Variants in RBFOX2 observed in about 807,000 individuals in gnomAD.
RBFOX2 encodes the protein RNA binding protein fox-1 homolog 2.
RBFOX2 carries 10 observed loss-of-function variants against 49.1 expected under a neutral mutation model. The ratio of observed to expected loss-of-function variants is 0.20; its 90% CI spans 0.13 to 0.35. RBFOX2 has a LOEUF of 0.35. Ranked by LOEUF, RBFOX2 falls within the 10% of genes least tolerant of loss-of-function variation. The probability of loss-of-function intolerance (pLI) is 1.00; values close to 1 mark genes in which losing one functional copy is unlikely to be tolerated. For missense variants in RBFOX2, 323 were observed against 486.9 expected, an observed-to-expected ratio of 0.66 and a Z score of 3.17; for synonymous variants, 183 against 187.4, an observed-to-expected ratio of 0.98 and a Z score of 0.19.
intron 1 of RBFOX2, among the ~76,000 whole-genome samples, chr22:35,849,819 T>C (rs1031448314): frequency 7.9e-5 from 12 of 152,096 alleles, no homozygotes; most frequent in Admixed American, 7.9e-4. Flanking sequence ...CCAACAGGAT[T>C]TGACAATACA....
chr22:35,793,203 C>G (rs1948123348), intron 2 of RBFOX2, among the ~76,000 whole-genome samples: 1 of 152,232 alleles, frequency 6.6e-6, no homozygotes, highest in Non-Finnish European at 1.5e-5. Context: ...GAAACCCCAT[C>G]TCTACTAAAA....
At chr22:36,025,667 A>G (rs1293056556) in intron 1 of RBFOX2, among the ~76,000 whole-genome samples, 2 of 152,148 alleles carry the variant, frequency 1.3e-5, no homozygotes, top group Middle Eastern at 6.3e-3. Context: ...CTTTTCGCCC[A>G]TTTGTCTCCC....
intron 2 of RBFOX2, among the ~76,000 whole-genome samples, chr22:35,794,465 T>C (rs1948382264): frequency 6.6e-6 from 1 of 152,118 alleles, no homozygotes; most frequent in African/African-American, 2.4e-5. Context: ...GGGACCATCC[T>C]GGCTAACATG....
chr22:35,951,429 G>A (rs1295948863), intron 1 of RBFOX2, among the ~76,000 whole-genome samples: 5 of 151,242 alleles, frequency 3.3e-5, no homozygotes, highest in Admixed American at 1.3e-4. Context: ...ATTTTTAGTA[G>A]AGACGGGGTT....
intron 1 of RBFOX2, among the ~76,000 whole-genome samples, chr22:35,884,741 C>A (rs530909817): frequency 1.1e-4 from 17 of 152,264 alleles, no homozygotes; most frequent in African/African-American, 3.6e-4. Flanking sequence ...AGATAATACA[C>A]AAGGGTATGA....
intron 4 of RBFOX2, among the ~76,000 whole-genome samples, chr22:35,774,971 A>C (rs886578117): frequency 2.6e-5 from 4 of 152,158 alleles, no homozygotes; most frequent in African/African-American, 7.2e-5. Flanking sequence ...AATAAAGCTA[A>C]TTTCTGTACA....
intron 1 of RBFOX2, among the ~76,000 whole-genome samples, chr22:35,814,710 CAA>C (rs55971445): frequency 2.6e-4 from 8 of 31,022 alleles, no homozygotes; most frequent in African/African-American, 3.4e-4. Context: ...AACCCTGTCT[CAA>C]AAAAAAAAAA....
intron 1 of RBFOX2, among the ~76,000 whole-genome samples, chr22:36,006,607 A>G (rs989923295): frequency 1.3e-5 from 2 of 152,188 alleles, no homozygotes; most frequent in Admixed American, 6.5e-5. Flanking sequence ...CATGATTGCA[A>G]GAGAACAGCA....
intron 1 of RBFOX2, among the ~76,000 whole-genome samples, chr22:35,948,119 T>C (rs549589261): frequency 1.1e-3 from 164 of 152,328 alleles, no homozygotes; most frequent in African/African-American, 3.4e-3. Flanking sequence ...ATTAGATACA[T>C]GTTTCCATGT....
At chr22:35,983,944 T>C (rs1254822230) in intron 1 of RBFOX2, among the ~76,000 whole-genome samples, 7 of 152,164 alleles carry the variant, frequency 4.6e-5, no homozygotes, top group African/African-American at 1.7e-4. Context: ...TCTCTGTATG[T>C]TCAACTGCTC....
chr22:35,922,236 A>G (rs1327002407), intron 1 of RBFOX2, among the ~76,000 whole-genome samples: 1 of 152,244 alleles, frequency 6.6e-6, no homozygotes, highest in East Asian at 1.9e-4. Context: ...GAGGGAATAA[A>G]CTGAGTTTGT....
chr22:35,746,692 G>A, intron 9 of RBFOX2, 131 bp from the exon 12 acceptor site: 3 of 446,658 alleles, frequency 6.7e-6, no homozygotes, highest in Non-Finnish European at 1.2e-5. Flanking sequence ...ACACACACAT[G>A]GGAAGAAAAT....
intron 1 of RBFOX2, among the ~76,000 whole-genome samples, chr22:35,821,059 A>T (rs949602354): frequency 6.6e-6 from 1 of 152,196 alleles, no homozygotes; most frequent in Non-Finnish European, 1.5e-5. Context: ...AGCAAGAAAG[A>T]GTGGGAAAGG....
At chr22:35,975,282 G>A (rs2057091138) in intron 1 of RBFOX2, among the ~76,000 whole-genome samples, 1 of 152,044 alleles carries the variant, frequency 6.6e-6, no homozygotes, top group South Asian at 2.1e-4. Flanking sequence ...ACTTTAATTA[G>A]CACTGGTAAA....
At chr22:36,026,555 C>T (rs2059446342) in intron 1 of RBFOX2, among the ~76,000 whole-genome samples, 1 of 151,780 alleles carries the variant, frequency 6.6e-6, no homozygotes. Flanking sequence ...CACACACACA[C>T]ACACACACAC....
At chr22:35,912,412 C>T (rs923455355) in intron 1 of RBFOX2, among the ~76,000 whole-genome samples, 3 of 152,154 alleles carry the variant, frequency 2.0e-5, no homozygotes, top group South Asian at 2.1e-4. Flanking sequence ...ATTTCCTCAC[C>T]GCAAGAAAAT....
At chr22:35,924,949 G>A (rs1054319115) in intron 1 of RBFOX2, among the ~76,000 whole-genome samples, 9 of 152,058 alleles carry the variant, frequency 5.9e-5, no homozygotes, top group South Asian at 2.1e-4. Flanking sequence ...CGAGGTGGGC[G>A]GATCACTTGA....
At chr22:35,898,969 T>C (rs2048208190) in intron 1 of RBFOX2, among the ~76,000 whole-genome samples, 3 of 151,792 alleles carry the variant, frequency 2.0e-5, no homozygotes, top group Admixed American at 2.0e-4. Flanking sequence ...AATACAAAAA[T>C]TAGCTGGGCA....
At chr22:35,909,297 C>CAT (rs1417975099) in intron 1 of RBFOX2, among the ~76,000 whole-genome samples, 1 of 151,974 alleles carries the variant, frequency 6.6e-6, no homozygotes, top group African/African-American at 2.4e-5. Flanking sequence ...GTCTCTTAAA[C>CAT]ATATATATAT....
Sources: gnomAD v4.1 joint callset for allele counts (sites outside exome capture counted in the v4.1 genomes callset) on GRCh38, gnomAD v4.1.1 for gene constraint, MANE v1.5 for transcripts, NCBI Gene and HGNC (gene_info 2026-07-23, HGNC 2026-07-21) for gene names.